Variants in CENPP observed in about 807,000 individuals in gnomAD.
The protein encoded by CENPP is centromere protein P.
CENPP carries 24 observed loss-of-function variants against 35.6 expected under a neutral mutation model. The ratio of observed to expected loss-of-function variants is 0.67; its 90% CI spans 0.49 to 0.95. CENPP has a LOEUF of 0.95. CENPP is among the 40% of genes least tolerant of loss of function. The pLI is 0.00. For synonymous variants in CENPP, 120 were observed against 125.5 expected, an observed-to-expected ratio of 0.96 and a Z score of 0.29; for missense variants, 332 against 345.3, an observed-to-expected ratio of 0.96 and a Z score of 0.31.
chr9:92,395,069 C>T (rs147957374), intron 5 of CENPP, among the ~76,000 whole-genome samples: 61 of 152,070 alleles, frequency 4.0e-4, no homozygotes, highest in African/African-American at 1.4e-3. Context: ...CAATTAATTG[C>T]GTGTATTTAA....
chr9:92,551,953 G>GATATATATATATATATGAT (rs373483608), intron 5 of CENPP, among the ~76,000 whole-genome samples: 1 of 108,136 alleles, frequency 9.2e-6, no homozygotes, highest in African/African-American at 4.4e-5. Context: ...ATATATATAT[G>GATATATATATATATATGAT]ATATATATAT....
Position 92,567,389 on chromosome 9 carries a change from T to TATATATATAG in CENPP, c.565-43918_565-43917insTAGATATATA, listed in dbSNP as rs1564005567. Among the ~76,000 whole-genome samples, 89 of 98,042 alleles carry TATATATATAG rather than the reference T, an allele frequency of 9.1e-4. 1 individual carries two copies. Among genetic ancestry groups the TATATATATAG allele is most frequent in the Middle Eastern group, 6.2e-3 (1 of 162 alleles). 64.3% of individuals were successfully genotyped at this position (98,042 alleles called of 152,430 possible). On this transcript the variant is annotated intron_variant, in intron 5 of 7. Coordinates refer to ENST00000375587, the MANE Select transcript of CENPP (RefSeq NM_001012267.3). The stretch of plus-strand genomic sequence containing the variant: ...CATAAGATAGATATATATATATATA[T>TATATATATAG]ATATATAGATATATATATAAAGTGG...
At chr9:92,588,372 C>A (rs1233931920) in intron 5 of CENPP, among the ~76,000 whole-genome samples, 1 of 151,296 alleles carries the variant, frequency 6.6e-6, no homozygotes, top group Non-Finnish European at 1.5e-5. Context: ...CTCAGTCTCC[C>A]GAGTAGCTGG....
intron 5 of CENPP, chr9:92,494,092 A>G: frequency 1.9e-6 from 3 of 1,597,520 alleles, no homozygotes; most frequent in East Asian, 4.5e-5. Flanking sequence ...TCTACCAGAG[A>G]GGAAAGGCCA....
At position 92,475,339 on chromosome 9, in the gene CENPP, TA is replaced by T. The variant is rs989351981; in HGVS notation, c.564+95488del. ...ATATGGGATATTATCTTTTGTGAAA[TA>T]AAAAAAAGCAAATATAAAAAATCCA... On this transcript the variant is annotated intron_variant, in intron 5 of 7. Coordinates refer to ENST00000375587, the MANE Select transcript of CENPP (RefSeq NM_001012267.3). Among the ~76,000 whole-genome samples, 85 of 151,786 alleles carry T rather than the reference TA, an allele frequency of 5.6e-4. 2 individuals are homozygous for T. The East Asian group carries it at 0.015, about 27-fold the overall frequency.
At chr9:92,591,539 C>T (rs543047857) in intron 5 of CENPP, among the ~76,000 whole-genome samples, 7 of 151,626 alleles carry the variant, frequency 4.6e-5, no homozygotes, top group East Asian at 1.9e-4. Context: ...CTTCCCAAAA[C>T]GGCATTCCAG....
At chr9:92,470,926 C>T in intron 5 of CENPP, 1 of 577,372 alleles carries the variant, frequency 1.7e-6, no homozygotes, top group Non-Finnish European at 2.9e-6. Context: ...ACAAAAAAAA[C>T]ATTGTTTTGG....
rs1164459300 is a variant in CENPP at position 92,454,208 on chromosome 9, A to G, written c.564+74349A>G. On this transcript the variant is annotated intron_variant, in intron 5 of 7. Transcript: ENST00000375587. Reference sequence around the variant, plus strand: ...TTAGTGATTTGTTTTTTGCAAACTTAAAACCAAAAATGGCTAACAGCTGGA... The same window carrying G: ...TTAGTGATTTGTTTTTTGCAAACTTGAAACCAAAAATGGCTAACAGCTGGA... Among the ~76,000 whole-genome samples the G allele has an allele frequency of 2.0e-5, 3 of 152,218 alleles. No individual in the cohort carries two copies. In the East Asian group the frequency reaches 5.8e-4, roughly 29 times the overall value.
In CENPP at chr9:92,617,602, C is replaced by T. The variant is rs1851482395; in HGVS notation, c.*4453C>T. The T allele has an allele frequency of 6.5e-6, 1 of 154,314 alleles. No homozygotes were observed. The highest frequency in any genetic ancestry group is 6.4e-5 in the Admixed American group (1 of 15,632). 9.6% of individuals were successfully genotyped at this position (154,314 alleles called of 1,614,324 possible). ...TCTAGCAGCCTTGGAGAATGAGGCT[C>T]AGGTGGCCTTCTGGCTGCAGGGGGG... On this transcript the variant is annotated 3_prime_UTR_variant, in exon 8 of 8. Transcript: ENST00000375587.
chr9:92,540,654 G>A (rs939702701), intron 5 of CENPP, among the ~76,000 whole-genome samples: 48 of 147,836 alleles, frequency 3.2e-4, no homozygotes, highest in African/African-American at 1.2e-3. Context: ...GCCTGTAGTC[G>A]CAGCTACTCG....
intron 5 of CENPP, chr9:92,459,588 A>G (rs747016115): frequency 1.3e-6 from 2 of 1,594,028 alleles, no homozygotes; most frequent in East Asian, 4.5e-5. Flanking sequence ...ATAAAAACTG[A>G]AGAAAAATAC....
intron 5 of CENPP, among the ~76,000 whole-genome samples, chr9:92,421,234 T>G (rs1843783324): frequency 6.6e-6 from 1 of 152,246 alleles, no homozygotes; most frequent in Middle Eastern, 3.4e-3. Context: ...AAGACAGGGT[T>G]TTGCCATGTT....
chr9:92,470,619 G>T (rs556410578), intron 5 of CENPP: 8 of 998,110 alleles, frequency 8.0e-6, no homozygotes, highest in South Asian at 8.0e-5. Flanking sequence ...TTATAGCAAA[G>T]ATACAGAGTT....
At chr9:92,501,002 G>A (rs778172021) in intron 5 of CENPP, 2 of 1,614,180 alleles carry the variant, frequency 1.2e-6, no homozygotes, top group South Asian at 2.2e-5. Context: ...TGGGTAGATA[G>A]GACGGGACGT....
chr9:92,409,931 G>GT (rs1381404075), intron 5 of CENPP, among the ~76,000 whole-genome samples: 2 of 151,946 alleles, frequency 1.3e-5, no homozygotes, highest in Admixed American at 6.6e-5. Context: ...GTTTTGTTTT[G>GT]TTTTTTGTTT....
At chr9:92,386,673 C>A (rs1250267878) in intron 5 of CENPP, among the ~76,000 whole-genome samples, 1 of 152,140 alleles carries the variant, frequency 6.6e-6, no homozygotes, top group African/African-American at 2.4e-5. Context: ...CTGCCATAAC[C>A]TCTCCTGTAC....
At chr9:92,433,798 G>A (rs1844178516) in intron 5 of CENPP, among the ~76,000 whole-genome samples, 1 of 152,080 alleles carries the variant, frequency 6.6e-6, no homozygotes, top group Non-Finnish European at 1.5e-5. Context: ...TGGGTACAGT[G>A]GTGCTTGCCT....
intron 3 of CENPP, among the ~76,000 whole-genome samples, chr9:92,344,719 T>G (rs1013588158): frequency 2.0e-5 from 3 of 151,494 alleles, no homozygotes; most frequent in Non-Finnish European, 4.4e-5. Flanking sequence ...AGCTAATTTT[T>G]TGTATTTTTA....
At chr9:92,549,661 AAAC>A (rs1849545678) in intron 5 of CENPP, among the ~76,000 whole-genome samples, 1 of 151,566 alleles carries the variant, frequency 6.6e-6, no homozygotes, top group African/African-American at 2.4e-5. Context: ...AAAAAAAACA[AAAC>A]AAAACAAAAC....
Sources: allele counts gnomAD v4.1 joint callset (sites outside exome capture counted in the v4.1 genomes callset), GRCh38; gene constraint gnomAD v4.1.1; transcripts MANE v1.5; gene names NCBI Gene and HGNC (gene_info 2026-07-23, HGNC 2026-07-21).